The following SPOCK3 variants were observed in gnomAD, a reference collection of about 807,000 sequenced individuals.
SPOCK3 encodes the protein testican-3.
In SPOCK3, 30 loss-of-function variants were observed where a neutral mutation model predicts 56.6. The observed-to-expected ratio is 0.53, with a 90% CI of 0.40 to 0.72. The LOEUF (loss-of-function observed/expected upper bound fraction) is 0.72. Among genes scored for constraint, SPOCK3 ranks in the 30% least tolerant of loss-of-function variants. The probability of loss-of-function intolerance (pLI) is 0.00; values close to 1 mark genes in which losing one functional copy is unlikely to be tolerated. For synonymous variants in SPOCK3, 196 were observed against 183.3 expected (o/e 1.07, Z -0.56); for missense variants, 527 against 530.0 (o/e 0.99, Z 0.06).
intron 2 of SPOCK3, among the ~76,000 whole-genome samples, chr4:167,193,867 G>T (rs1182508186): frequency 6.8e-6 from 1 of 146,136 alleles, no homozygotes; most frequent in African/African-American, 2.6e-5. Context: ...GATTGACTTT[G>T]CATGGGGTTT....
At chr4:167,171,600 C>T (rs1730501929) in intron 2 of SPOCK3, among the ~76,000 whole-genome samples, 1 of 151,906 alleles carries the variant, frequency 6.6e-6, no homozygotes, top group Non-Finnish European at 1.5e-5. Context: ...CTTAAATGTT[C>T]GTTTGAGAAA....
At chr4:166,878,216 T>G (rs989087235) in intron 6 of SPOCK3, among the ~76,000 whole-genome samples, 26 of 152,154 alleles carry the variant, frequency 1.7e-4, no homozygotes, top group African/African-American at 6.3e-4. Context: ...GTGGCGAAGG[T>G]TGCAGTGGGC....
At chr4:167,182,663 C>T (rs1731585854) in intron 2 of SPOCK3, among the ~76,000 whole-genome samples, 1 of 151,970 alleles carries the variant, frequency 6.6e-6, no homozygotes, top group African/African-American at 2.4e-5. Flanking sequence ...CCTCAGCCTC[C>T]TGAGTAGGTA....
At chr4:166,912,083 G>A (rs1180505464) in intron 5 of SPOCK3, among the ~76,000 whole-genome samples, 1 of 151,934 alleles carries the variant, frequency 6.6e-6, no homozygotes, top group African/African-American at 2.4e-5. Flanking sequence ...CACTTAATTG[G>A]GAGGAACAAC....
chr4:166,754,137 G>A (rs1027397033), intron 8 of SPOCK3: 38 of 995,568 alleles, frequency 3.8e-5, no homozygotes, highest in Admixed American at 5.7e-5. Context: ...AAACTCCACC[G>A]TATAGTGATA....
intron 2 of SPOCK3, among the ~76,000 whole-genome samples, chr4:167,204,219 C>T (rs371469246): frequency 2.7e-4 from 41 of 152,058 alleles, no homozygotes; most frequent in African/African-American, 8.9e-4. Flanking sequence ...AGGAGGGTGG[C>T]TATCATAAAC....
intron 4 of SPOCK3, among the ~76,000 whole-genome samples, chr4:166,998,397 T>A (rs1471150241): frequency 6.6e-6 from 1 of 152,210 alleles, no homozygotes; most frequent in African/African-American, 2.4e-5. Flanking sequence ...CAGTTTCTGA[T>A]AGTCTTTATC....
At chr4:166,932,231 G>C (rs766135321) in intron 4 of SPOCK3, among the ~76,000 whole-genome samples, 6 of 152,108 alleles carry the variant, frequency 3.9e-5, no homozygotes, top group Non-Finnish European at 8.8e-5. Context: ...TGTCCCATGA[G>C]TTATTAATCA....
chr4:166,879,641 A>C (rs1008958739), intron 6 of SPOCK3, among the ~76,000 whole-genome samples: 6 of 152,222 alleles, frequency 3.9e-5, no homozygotes, highest in African/African-American at 1.4e-4. Context: ...TTACATTTGT[A>C]CTGTGTTCTT....
intron 3 of SPOCK3, among the ~76,000 whole-genome samples, chr4:167,014,564 A>G (rs536639764): frequency 1.3e-5 from 2 of 152,236 alleles, no homozygotes; most frequent in South Asian, 4.1e-4. Context: ...TTAAGGCAGA[A>G]GGATTACTTA....
intron 7 of SPOCK3, among the ~76,000 whole-genome samples, chr4:166,778,039 C>T (rs2126603222): frequency 6.6e-6 from 1 of 152,266 alleles, no homozygotes; most frequent in South Asian, 2.1e-4. Context: ...CTCAACCTCC[C>T]ACACTCACCA....
chr4:166,844,441 G>A (rs1253897069), intron 6 of SPOCK3, among the ~76,000 whole-genome samples: 3 of 152,132 alleles, frequency 2.0e-5, no homozygotes, highest in Admixed American at 2.0e-4. Context: ...GTTCTGTGAA[G>A]GCATTTTTTT....
At chr4:166,991,597 T>C (rs1747798101) in intron 4 of SPOCK3, among the ~76,000 whole-genome samples, 2 of 151,982 alleles carry the variant, frequency 1.3e-5, no homozygotes, top group African/African-American at 4.8e-5. Context: ...CTCACACTCA[T>C]GGCCTCAAGT....
At chr4:167,009,840 G>T (rs1680866285) in intron 3 of SPOCK3, among the ~76,000 whole-genome samples, 1 of 151,570 alleles carries the variant, frequency 6.6e-6, no homozygotes. Context: ...CATGTCATAA[G>T]AGAAAATATT....
At chr4:166,796,065 A>G (rs944682617) in intron 6 of SPOCK3, among the ~76,000 whole-genome samples, 10 of 152,172 alleles carry the variant, frequency 6.6e-5, no homozygotes, top group Non-Finnish European at 1.2e-4. Context: ...GAGGAAGGCC[A>G]TCTATGAACC....
chr4:166,972,493 A>G lies in SPOCK3; in HGVS notation c.350+27856T>C, dbSNP rs945151713. Among the ~76,000 whole-genome samples, 145 of 151,390 alleles carry G rather than the reference A, an allele frequency of 9.6e-4. 1 individual carries two copies. The highest frequency in any genetic ancestry group is 3.3e-3 in the African/African-American group (138 of 41,526). ...ATCAAAAGAACATCACCCACTTTTTAAAACTCTCAGAGGGGAGAAAAAGAA... is the reference window on the plus strand; with the variant it reads ...ATCAAAAGAACATCACCCACTTTTTGAAACTCTCAGAGGGGAGAAAAAGAA... On this transcript the variant is annotated intron_variant, in intron 4 of 10. Transcript: ENST00000357545.
At chr4:166,915,900 C>T (rs1737795462) in intron 4 of SPOCK3, among the ~76,000 whole-genome samples, 2 of 152,116 alleles carry the variant, frequency 1.3e-5, no homozygotes, top group South Asian at 4.1e-4. Context: ...CAACTTGCTT[C>T]CACTAATGAA....
chr4:166,940,468 A>G (rs59211613), intron 4 of SPOCK3, among the ~76,000 whole-genome samples: 26,845 of 151,802 alleles, frequency 0.18, 3,515 homozygotes, highest in African/African-American at 0.37. Flanking sequence ...GTGACCGTAC[A>G]ATCAACACAA....
At chr4:166,752,182 T>C (rs986798103) in intron 8 of SPOCK3, among the ~76,000 whole-genome samples, 5 of 151,890 alleles carry the variant, frequency 3.3e-5, no homozygotes, top group African/African-American at 1.2e-4. Flanking sequence ...GTACCACCAA[T>C]CCTGGCTAAT....
Sources: allele counts gnomAD v4.1 joint callset (sites outside exome capture counted in the v4.1 genomes callset), GRCh38; gene constraint gnomAD v4.1.1; transcripts MANE v1.5; gene names NCBI Gene and HGNC (gene_info 2026-07-23, HGNC 2026-07-21).